HTR2A: variants seen among roughly 807,000 people sequenced by gnomAD.
The protein encoded by HTR2A is 5-hydroxytryptamine receptor 2A.
A neutral mutation model predicts 31.0 loss-of-function variants in HTR2A; 14 were observed. The observed-to-expected ratio is 0.45, with a 90% confidence interval of 0.30 to 0.71. HTR2A has a LOEUF of 0.71. Ranked by LOEUF, HTR2A falls within the 30% of genes least tolerant of loss-of-function variation. The probability of loss-of-function intolerance (pLI) is 0.09; values close to 1 mark genes in which losing one functional copy is unlikely to be tolerated. For synonymous variants in HTR2A, 209 were observed against 225.2 expected, an observed-to-expected ratio of 0.93 and a Z score of 0.64; for missense variants, 442 against 573.3, an observed-to-expected ratio of 0.77 and a Z score of 2.34.
At chr13:46,862,307 T>A (rs1438327491) in intron 3 of HTR2A, among the ~76,000 whole-genome samples, 1 of 152,210 alleles carries the variant, frequency 6.6e-6, no homozygotes, top group Non-Finnish European at 1.5e-5. Flanking sequence ...TTTAAAATGT[T>A]TTTATATGCA....
chr13:46,895,409 C>T lies in HTR2A; in HGVS notation c.412+86G>A. ...AGACTTCTATTTATAGTTTGTTTGC[C>T]CCCTGAGCCCCATCTCATCTGCTGG... is the stretch of plus-strand genomic sequence containing the variant. On this transcript the variant is annotated intron_variant, in intron 2 of 3. Transcript: ENST00000542664. This position sits in a 1 kb window ranked among gnomAD's most constrained non-coding sequence, Gnocchi z 4.4. 1 of 1,218,144 alleles carries T rather than the reference C, an allele frequency of 8.2e-7. No homozygotes were observed. 75.5% of individuals were successfully genotyped at this position (1,218,144 alleles called of 1,614,324 possible).
intron 3 of HTR2A, among the ~76,000 whole-genome samples, chr13:46,870,503 T>C (rs1593438047): frequency 6.6e-6 from 1 of 152,322 alleles, no homozygotes; most frequent in East Asian, 1.9e-4. Flanking sequence ...ATACATTGTA[T>C]GTGGCAGACA....
chr13:46,874,488 G>C (rs1364539430), intron 3 of HTR2A, among the ~76,000 whole-genome samples: 1 of 152,076 alleles, frequency 6.6e-6, no homozygotes, highest in Non-Finnish European at 1.5e-5. Context: ...ATATAATTGA[G>C]TTCCTATTTA....
rs7996679 is a variant in HTR2A at position 46,896,158 on chromosome 13, C to A, written c.-252G>T. The A allele has an allele frequency of 2.8e-3, 3,351 of 1,214,008 alleles. 68 individuals carry two copies. In the African/African-American group the frequency reaches 0.046, roughly 17 times the overall value. The allele number at this position is 1,214,008 out of a possible 1,614,324, so 75.2% of individuals were successfully genotyped here. A position where few individuals can be genotyped will look rare whatever the true frequency, so the allele number is the denominator to read the frequency against. On this transcript the variant is annotated 5_prime_UTR_variant, in exon 2 of 4. Transcript: ENST00000542664. Reference sequence around the variant, plus strand: ...TGGTTTTATTATTTTCTCACCAAACCGAGGACAAAAAAGCAGAATGAACTT... The same window carrying A: ...TGGTTTTATTATTTTCTCACCAAACAGAGGACAAAAAAGCAGAATGAACTT...
chr13:46,886,193 ATAACT>A (rs1300522649), intron 3 of HTR2A, among the ~76,000 whole-genome samples: 1 of 152,292 alleles, frequency 6.6e-6, no homozygotes, highest in East Asian at 1.9e-4. Context: ...TAATGAGGAA[ATAACT>A]TAATGAGATT....
chr13:46,880,098 C>T (rs1285134624), intron 3 of HTR2A, among the ~76,000 whole-genome samples: 2 of 152,162 alleles, frequency 1.3e-5, no homozygotes, highest in African/African-American at 4.8e-5. Flanking sequence ...AGGTGGTGTG[C>T]CCAATTCGCA....
In HTR2A at chr13:46,834,963, CT is replaced by C. The variant is rs1398128295; in HGVS notation, c.1289del (p.Lys430ArgfsTer19). On this transcript the variant is annotated frameshift_variant, in exon 4 of 4. Transcript: ENST00000542664. LOFTEE classifies it low-confidence loss of function (END_TRUNC). Reference sequence around the variant, plus strand: ...TTGTCTTGGCATCTTGCTTTGAATTCTTTTTTTGTCCCATTTGAAGTTGGCT... The same window carrying C: ...TTGTCTTGGCATCTTGCTTTGAATTCTTTTTTGTCCCATTTGAAGTTGGCT... ...KSSQLQMGQKKNSKQDAKTTD... is the reference protein window; with the variant it reads ...KSSQLQMGQKXNSKQDAKTTD... The C allele has an allele frequency of 6.2e-7, 1 of 1,614,082 alleles. No homozygotes were observed. The highest frequency in any genetic ancestry group is 8.5e-7 in the Non-Finnish European group (1 of 1,179,946).
chr13:46,855,732 C>A (rs190984554), intron 3 of HTR2A, among the ~76,000 whole-genome samples: 40 of 152,184 alleles, frequency 2.6e-4, no homozygotes, highest in Admixed American at 2.4e-3. Context: ...CCCAAAAATT[C>A]AATCTCAAAA....
intron 3 of HTR2A, among the ~76,000 whole-genome samples, chr13:46,844,061 C>G (rs1467690929): frequency 6.6e-6 from 1 of 152,110 alleles, no homozygotes; most frequent in Non-Finnish European, 1.5e-5. Flanking sequence ...CCTTCAACAC[C>G]TCCATAAATA....
At chr13:46,841,952 G>A (rs1180390807) in intron 3 of HTR2A, among the ~76,000 whole-genome samples, 1 of 151,974 alleles carries the variant, frequency 6.6e-6, no homozygotes, top group Non-Finnish European at 1.5e-5. Flanking sequence ...TAAATAACCA[G>A]AGCCTTGTTT....
At chr13:46,883,117 C>T (rs1593442408) in intron 3 of HTR2A, among the ~76,000 whole-genome samples, 2 of 152,294 alleles carry the variant, frequency 1.3e-5, no homozygotes, top group Admixed American at 6.5e-5. Flanking sequence ...TAACATGAAG[C>T]GATGCTAAAA....
chr13:46,838,997 CACACACACACA>C (rs1950578851), intron 3 of HTR2A, among the ~76,000 whole-genome samples: 6 of 151,936 alleles, frequency 3.9e-5, no homozygotes, highest in Non-Finnish European at 8.8e-5. Flanking sequence ...CACACACACA[CACACACACACA>C]CCCTTACAGA....
chr13:46,888,052 A>G lies in HTR2A; in HGVS notation c.613+4338T>C, dbSNP rs568236355. Among the ~76,000 whole-genome samples, 126 of 149,862 alleles carry G rather than the reference A, an allele frequency of 8.4e-4. 1 individual carries two copies. The highest frequency in any genetic ancestry group is 2.9e-3 in the African/African-American group (118 of 40,566). ...TGTAACAAACCTGCACATCCTGCACATGTACCCCTGAACTTAAAAGTTGAA... is the reference window on the plus strand; with the variant it reads ...TGTAACAAACCTGCACATCCTGCACGTGTACCCCTGAACTTAAAAGTTGAA... On this transcript the variant is annotated intron_variant, in intron 3 of 3. Coordinates refer to ENST00000542664, the MANE Select transcript of HTR2A (RefSeq NM_000621.5).
chr13:46,856,854 A>G (rs538472385), intron 3 of HTR2A, among the ~76,000 whole-genome samples: 2 of 152,288 alleles, frequency 1.3e-5, no homozygotes, highest in East Asian at 1.9e-4. Flanking sequence ...GGGCACGATA[A>G]CAGTCCCTGT....
intron 3 of HTR2A, among the ~76,000 whole-genome samples, chr13:46,856,610 A>G (rs140159845): frequency 6.6e-6 from 1 of 152,124 alleles, no homozygotes; most frequent in African/African-American, 2.4e-5. Context: ...AAAAAAATAC[A>G]AAAAAACACT....
At position 46,841,284 on chromosome 13, in the gene HTR2A, T is replaced by C. The variant is rs192880346; in HGVS notation, c.614-5645A>G. ...GTACAGCACAAACTCTCTCTCTCTC[T>C]CCACCACCCCCACCAGTGATTTTCT... is the stretch of plus-strand genomic sequence containing the variant. On this transcript the variant is annotated intron_variant, in intron 3 of 3. Coordinates refer to ENST00000542664, the MANE Select transcript of HTR2A (RefSeq NM_000621.5). 2.6e-5 allele frequency among the ~76,000 whole-genome samples: 4 copies of C among 152,282 alleles called. No individual in the cohort carries two copies. In the East Asian group the frequency reaches 7.7e-4, roughly 29 times the overall value.
At chr13:46,887,287 G>A (rs964714140) in intron 3 of HTR2A, among the ~76,000 whole-genome samples, 2 of 151,972 alleles carry the variant, frequency 1.3e-5, no homozygotes, top group Non-Finnish European at 2.9e-5. Context: ...GCCGGGTGTG[G>A]TGGCGGGCGC....
rs535480145 is a variant in HTR2A at position 46,877,335 on chromosome 13, A to ATCAACAGC, written c.613+15047_613+15054dup. Among the ~76,000 whole-genome samples, 15 of 152,206 alleles carry ATCAACAGC rather than the reference A, an allele frequency of 9.9e-5. No homozygotes were observed. In the East Asian group the frequency reaches 2.1e-3, roughly 22 times the overall value. ...TTGATTGGGGAGAAATTCAAAATAA[A>ATCAACAGC]TCAACAGCTCAACAGCTCAACAGCT... On this transcript the variant is annotated intron_variant, in intron 3 of 3. Transcript: ENST00000542664.
intron 3 of HTR2A, among the ~76,000 whole-genome samples, chr13:46,840,372 A>G (rs1593425710): frequency 6.6e-6 from 1 of 152,182 alleles, no homozygotes; most frequent in Admixed American, 6.5e-5. Flanking sequence ...CTACACAAAC[A>G]TGTCAGTTAC....
Sources: gnomAD v4.1 joint callset for allele counts (sites outside exome capture counted in the v4.1 genomes callset) on GRCh38, gnomAD v4.1.1 for gene constraint, Gnocchi (gnomAD v3.1) non-coding constraint, MANE v1.5 for transcripts, NCBI Gene and HGNC (gene_info 2026-07-23, HGNC 2026-07-21) for gene names.